TRMT9B: variants seen among roughly 807,000 people sequenced by gnomAD.
TRMT9B encodes probable tRNA methyltransferase 9B.
A neutral mutation model predicts 11.5 loss-of-function variants in TRMT9B; 16 were observed. The observed-to-expected ratio is 1.39, with a 90% CI of 0.94 to 2.11. The LOEUF (loss-of-function observed/expected upper bound fraction) is 2.11, where lower values mean the gene tolerates loss of function less well. Among genes scored for constraint, TRMT9B ranks in the 30% most tolerant of loss-of-function variants. The pLI is 0.00. For missense variants in TRMT9B, 941 were observed against 553.8 expected (o/e 1.70, Z -7.02); for synonymous variants, 274 against 192.4 (o/e 1.42, Z -3.51).
intron 1 of TRMT9B, among the ~76,000 whole-genome samples, chr8:12,957,807 T>A (rs1276886493): frequency 1.3e-5 from 2 of 152,242 alleles, no homozygotes; most frequent in African/African-American, 4.8e-5. Context: ...GAATGAAGTG[T>A]ACTATTTTAA....
rs899235374 is a variant in TRMT9B, at chr8:13,028,073, C to G, written c.*6029C>G. 6.0e-6 allele frequency: 1 copy of G among 167,036 alleles called. No homozygotes were observed. Among genetic ancestry groups the G allele is most frequent in the Admixed American group, 6.5e-5 (1 of 15,288 alleles). The allele number at this position is 167,036 out of a possible 1,614,324, so 10.3% of individuals were successfully genotyped here. A position where few individuals can be genotyped will look rare whatever the true frequency, so the allele number is the denominator to read the frequency against. ...AAGAGAGTTGATCAAAGAGAAGATT[C>G]TAGCTGAATTGTTCTATTTTTAATT... On this transcript the variant is annotated 3_prime_UTR_variant, in exon 5 of 5. Coordinates refer to ENST00000524591, the MANE Select transcript of TRMT9B (RefSeq NM_020844.3).
chr8:12,988,601 C>G (rs943544211), intron 1 of TRMT9B, among the ~76,000 whole-genome samples: 1 of 152,032 alleles, frequency 6.6e-6, no homozygotes, highest in Non-Finnish European at 1.5e-5. Context: ...AAGTGCCAAG[C>G]AAAAGGGAAA....
At position 13,021,063 on chromosome 8, in the gene TRMT9B, C is replaced by T. The variant is rs772476059; in HGVS notation, c.384C>T (p.Ala128=). 7.3e-5 allele frequency: 116 copies of T among 1,594,502 alleles called. No individual in the cohort carries two copies. Among genetic ancestry groups the T allele is most frequent in the Non-Finnish European group, 9.7e-5 (113 of 1,170,860 alleles). The change falls in exon 5 of 5, where the codon GCC becomes GCT. Residue 128 remains alanine, a synonymous_variant. Transcript: ENST00000524591. ...GAATCAGAGCAATAAAAGAAATGGC[C>T]AGGGTCTTAGTTCCCGGAGGCCAAC... ...QRRIRAIKEM[A]RVLVPGGQLM...
At chr8:13,009,143 G>C (rs1257135863) in intron 3 of TRMT9B, among the ~76,000 whole-genome samples, 6 of 152,128 alleles carry the variant, frequency 3.9e-5, no homozygotes, top group African/African-American at 1.4e-4. Context: ...GGTGAAATCA[G>C]CCAGGCACAG....
At chr8:12,993,150 T>C (rs970751093) in intron 2 of TRMT9B, among the ~76,000 whole-genome samples, 2 of 152,170 alleles carry the variant, frequency 1.3e-5, no homozygotes, top group Admixed American at 1.3e-4. Context: ...GATATAAGAC[T>C]GCAAAGTGGA....
rs372362869 is a variant in TRMT9B, at chr8:13,028,569, C to CTT, written c.*6528_*6529dup. The CTT allele has an allele frequency of 0.34, 36,953 of 108,690 alleles. 7,384 individuals carry two copies. Among genetic ancestry groups the CTT allele is most frequent in the East Asian group, 0.55 (1,844 of 3,330 alleles). The allele number at this position is 108,690 out of a possible 1,614,324, so 6.7% of individuals were successfully genotyped here. A position where few individuals can be genotyped will look rare whatever the true frequency, so the allele number is the denominator to read the frequency against. On this transcript the variant is annotated 3_prime_UTR_variant, in exon 5 of 5. Coordinates refer to ENST00000524591, the MANE Select transcript of TRMT9B (RefSeq NM_020844.3). ...TAAGTGATAAGCACTTTTCTCTTTTCTTTTCTTTTTTTTTTTTTTTTTTTG... is the reference window on the plus strand; with the variant it reads ...TAAGTGATAAGCACTTTTCTCTTTTCTTTTTTCTTTTTTTTTTTTTTTTTTTG...
At chr8:13,014,293 G>C (rs1236988673) in intron 4 of TRMT9B, among the ~76,000 whole-genome samples, 1 of 152,156 alleles carries the variant, frequency 6.6e-6, no homozygotes, top group Non-Finnish European at 1.5e-5. Context: ...GCCTGCTATA[G>C]CAAAATACCA....
At chr8:13,014,324 G>C (rs540337626) in intron 4 of TRMT9B, among the ~76,000 whole-genome samples, 2 of 152,322 alleles carry the variant, frequency 1.3e-5, no homozygotes, top group African/African-American at 2.4e-5. Flanking sequence ...TTAAACAACA[G>C]ACATTTATTT....
chr8:12,981,148 C>G (rs547950110), intron 1 of TRMT9B, among the ~76,000 whole-genome samples: 11 of 152,270 alleles, frequency 7.2e-5, no homozygotes, highest in African/African-American at 2.6e-4. Flanking sequence ...AGAAAAGGAG[C>G]TTGTGCTGGA....
At chr8:12,992,516 A>G (rs1474905173) in intron 2 of TRMT9B, among the ~76,000 whole-genome samples, 1 of 152,026 alleles carries the variant, frequency 6.6e-6, no homozygotes. Flanking sequence ...TCTGAAGGAC[A>G]ACAAACTTAG....
chr8:13,015,268 C>T (rs1004340276), intron 4 of TRMT9B, among the ~76,000 whole-genome samples: 11 of 150,808 alleles, frequency 7.3e-5, no homozygotes, highest in African/African-American at 2.7e-4. Flanking sequence ...TTTTAGATGT[C>T]TTGTTACATC....
At chr8:13,004,590 G>C (rs768415306) in intron 2 of TRMT9B, among the ~76,000 whole-genome samples, 2 of 151,998 alleles carry the variant, frequency 1.3e-5, no homozygotes, top group Non-Finnish European at 2.9e-5. Context: ...CTGTCTTGAA[G>C]GGAAGGACCT....
At chr8:13,016,891 C>G (rs1457788460) in intron 4 of TRMT9B, among the ~76,000 whole-genome samples, 1 of 150,244 alleles carries the variant, frequency 6.7e-6, no homozygotes, top group African/African-American at 2.5e-5. Context: ...CTTTGGGAGA[C>G]TGAGGCAGGC....
chr8:12,954,874 C>G (rs1191903711), intron 1 of TRMT9B, among the ~76,000 whole-genome samples: 1 of 152,176 alleles, frequency 6.6e-6, no homozygotes, highest in Non-Finnish European at 1.5e-5. Flanking sequence ...AGAGTTTGAA[C>G]TAGATCACCT....
chr8:13,013,005 C>A, intron 4 of TRMT9B, 148 bp downstream of exon 4: 1 of 1,024,850 alleles, frequency 9.8e-7, no homozygotes, highest in Non-Finnish European at 1.3e-6. Flanking sequence ...AACTACTTGA[C>A]TGATTTGACT....
chr8:12,984,954 TACAC>T (rs112248064), intron 1 of TRMT9B, among the ~76,000 whole-genome samples: 8 of 136,538 alleles, frequency 5.9e-5, no homozygotes, highest in African/African-American at 2.2e-4. Context: ...TCCCTCAACA[TACAC>T]ACACACACAC....
At chr8:12,998,615 C>T (rs565517226) in intron 2 of TRMT9B, among the ~76,000 whole-genome samples, 2 of 152,206 alleles carry the variant, frequency 1.3e-5, no homozygotes, top group Non-Finnish European at 2.9e-5. Context: ...TAAAAAGCAC[C>T]GTCTTGAGGA....
At chr8:12,949,667 C>T (rs1014784070) in intron 1 of TRMT9B, among the ~76,000 whole-genome samples, 4 of 152,088 alleles carry the variant, frequency 2.6e-5, no homozygotes, top group Non-Finnish European at 5.9e-5. Flanking sequence ...TGCTTCAAGC[C>T]GTCAGTGAAC....
At chr8:12,948,914 C>G (rs146793242) in intron 1 of TRMT9B, among the ~76,000 whole-genome samples, 8,311 of 152,154 alleles carry the variant, frequency 0.055, 281 homozygotes, top group South Asian at 0.097. Flanking sequence ...GAGCCGAGAT[C>G]GCACCACTGC....
Sources: gnomAD v4.1 joint callset for allele counts (sites outside exome capture counted in the v4.1 genomes callset) on GRCh38, gnomAD v4.1.1 for gene constraint, MANE v1.5 for transcripts, NCBI Gene and HGNC (gene_info 2026-07-23, HGNC 2026-07-21) for gene names.